Variants in SPEG observed in about 807,000 individuals in gnomAD.
SPEG encodes the protein striated muscle enriched protein kinase.
SPEG carries 114 observed loss-of-function variants against 300.4 expected under a neutral mutation model. The observed-to-expected ratio is 0.38, with a 90% CI of 0.33 to 0.44. SPEG has a LOEUF of 0.44. Ranked by LOEUF, SPEG falls within the 20% of genes least tolerant of loss-of-function variation. SPEG has a pLI of 1.00. For missense variants in SPEG, 4,201 were observed against 4,586.2 expected, an observed-to-expected ratio of 0.92 and a Z score of 2.43; for synonymous variants, 1,964 against 2,018.9, an observed-to-expected ratio of 0.97 and a Z score of 0.73.
chr2:219,436,936 G>C (rs188256849), intron 1 of SPEG, among the ~76,000 whole-genome samples: 3 of 152,300 alleles, frequency 2.0e-5, no homozygotes, highest in Non-Finnish European at 4.4e-5. Context: ...ATATGACTGG[G>C]GGAGAGATTA....
intron 6 of SPEG, chr2:219,461,411 G>C (rs543607225): frequency 6.6e-4 from 665 of 1,009,450 alleles, no homozygotes; most frequent in Non-Finnish European, 7.4e-4. Context: ...ACTTGTCTGC[G>C]GTGTGTGTTC....
Position 219,491,817 on chromosome 2 carries a change from C to T in SPEG, c.9409C>T (p.Pro3137Ser), listed in dbSNP as rs761674711. ...FMAPEMVKGE[P>S]IGSATDIWGA... ...AGCTCCGGAGATGGTGAAGGGAGAA[C>T]CCATCGGCTCTGCCACGGACATCTG... is the stretch of plus-strand genomic sequence containing the variant. Residue 3137 changes from proline (P) to serine (S), a missense_variant, in exon 39 of 41, where the codon CCC becomes TCC. By Grantham distance (74) the Pro-to-Ser change is moderately conservative. This residue lies in a region of SPEG where 318 missense variants were observed against 429.5 expected (regional missense o/e 0.74). Transcript: ENST00000312358. 2 of 1,612,986 alleles carry T rather than the reference C, an allele frequency of 1.2e-6. No individual in the cohort carries two copies. The highest frequency in any genetic ancestry group is 1.7e-6 in the Non-Finnish European group (2 of 1,179,750).
intron 6 of SPEG, among the ~76,000 whole-genome samples, chr2:219,457,350 A>G (rs1690271680): frequency 6.6e-6 from 1 of 152,212 alleles, no homozygotes; most frequent in African/African-American, 2.4e-5. Flanking sequence ...TGGGAGGCCA[A>G]GGCAGGTGGA....
rs984765891 is a variant in SPEG, at chr2:219,474,055, T to C, written c.4447+152T>C. ...CCATGTCATGGCTATACAAATACCA[T>C]ATTAGTAATAATGACAACAATCATA... On this transcript the variant is annotated intron_variant, in intron 18 of 40. Transcript: ENST00000312358. 6 of 712,084 alleles carry C rather than the reference T, an allele frequency of 8.4e-6. No individual in the cohort carries two copies. In the African/African-American group the frequency reaches 1.1e-4, roughly 13 times the overall value. The allele number at this position is 712,084 out of a possible 1,614,324, so 44.1% of individuals were successfully genotyped here.
Position 219,493,473 on chromosome 2 carries a change from C to G in SPEG, c.*687C>G, listed in dbSNP as rs1380296265. 8 of 443,138 alleles carry G rather than the reference C, an allele frequency of 1.8e-5. No homozygotes were observed. In the Admixed American group the frequency reaches 1.9e-4, roughly 11 times the overall value. The allele number at this position is 443,138 out of a possible 1,614,324, so 27.5% of individuals were successfully genotyped here. On this transcript the variant is annotated 3_prime_UTR_variant, in exon 41 of 41. Coordinates refer to ENST00000312358, the MANE Select transcript of SPEG (RefSeq NM_005876.5). Reference sequence around the variant, plus strand: ...GGATGTCCCCACTGCCCCTCCATGGCCTCTGGCCTTCTTCCCATTCATATT... The same window carrying G: ...GGATGTCCCCACTGCCCCTCCATGGGCTCTGGCCTTCTTCCCATTCATATT...
At chr2:219,461,094 G>A (rs1400459886) in intron 6 of SPEG, 4 of 906,308 alleles carry the variant, frequency 4.4e-6, no homozygotes, top group Non-Finnish European at 5.3e-6. Flanking sequence ...TTGGCAGTCG[G>A]ATAGGAGCCA....
intron 18 of SPEG, among the ~76,000 whole-genome samples, chr2:219,474,745 G>A (rs1173906589): frequency 2.6e-5 from 4 of 151,518 alleles, no homozygotes; most frequent in African/African-American, 7.3e-5. Flanking sequence ...GCCGCCCTTC[G>A]GCACAAGCCT....
In SPEG at chr2:219,480,833, G is replaced by C; in HGVS notation, c.5369+136G>C. On this transcript the variant is annotated intron_variant, in intron 26 of 40. Coordinates refer to ENST00000312358, the MANE Select transcript of SPEG (RefSeq NM_005876.5). This position sits in a 1 kb window ranked among gnomAD's most constrained non-coding sequence, Gnocchi z 5.3. Reference sequence around the variant, plus strand: ...TGCAAGGAGCCTCATGTGCATGAAGGTGGACACCCCTGTCTGCATGCCCAC... The same window carrying C: ...TGCAAGGAGCCTCATGTGCATGAAGCTGGACACCCCTGTCTGCATGCCCAC... 1 of 841,390 alleles carries C rather than the reference G, an allele frequency of 1.2e-6. No homozygotes were observed. Among genetic ancestry groups the C allele is most frequent in the Non-Finnish European group, 2.0e-6 (1 of 504,674 alleles). The allele number at this position is 841,390 out of a possible 1,614,324, so 52.1% of individuals were successfully genotyped here. A position where few individuals can be genotyped will look rare whatever the true frequency, so the allele number is the denominator to read the frequency against.
chr2:219,437,572 G>A (rs1954751537), intron 1 of SPEG, among the ~76,000 whole-genome samples: 2 of 152,310 alleles, frequency 1.3e-5, no homozygotes, highest in South Asian at 2.1e-4. Flanking sequence ...AAGAGGACTG[G>A]GCTGCAGCAA....
At chr2:219,491,356 C>T (rs915378941) in intron 38 of SPEG, among the ~76,000 whole-genome samples, 2 of 152,188 alleles carry the variant, frequency 1.3e-5, no homozygotes, top group Non-Finnish European at 2.9e-5. Context: ...CCACACTTTA[C>T]GGATGAGGCT....
intron 6 of SPEG, chr2:219,460,876 G>A: frequency 1.0e-6 from 1 of 986,176 alleles, no homozygotes; most frequent in Non-Finnish European, 1.2e-6. Flanking sequence ...TGGACAGGCT[G>A]GGCTCCTGCT....
chr2:219,444,593 A>T lies in SPEG; in HGVS notation c.389-60A>T, dbSNP rs1035963813. 2 of 1,429,068 alleles carry T rather than the reference A, an allele frequency of 1.4e-6. No individual in the cohort carries two copies. Among genetic ancestry groups the T allele is most frequent in the Non-Finnish European group, 2.0e-6 (2 of 1,015,470 alleles). 88.5% of individuals were successfully genotyped at this position (1,429,068 alleles called of 1,614,324 possible). Reference sequence around the variant, plus strand: ...TGTTGGCAGGGAGGCAGAAGGCAATAGGGAAGAGTTGGAGGCAGAGGGAGG... The same window carrying T: ...TGTTGGCAGGGAGGCAGAAGGCAATTGGGAAGAGTTGGAGGCAGAGGGAGG... On this transcript the variant is annotated intron_variant, in intron 1 of 40. Coordinates refer to ENST00000312358, the MANE Select transcript of SPEG (RefSeq NM_005876.5). This position sits in a 1 kb window ranked among gnomAD's most constrained non-coding sequence, Gnocchi z 7.8.
chr2:219,479,223 G>C lies in SPEG; in HGVS notation c.5085+22G>C. 1 of 1,606,768 alleles carries C rather than the reference G, an allele frequency of 6.2e-7. No homozygotes were observed. The highest frequency in any genetic ancestry group is 8.5e-7 in the Non-Finnish European group (1 of 1,174,498). On this transcript the variant is annotated intron_variant, in intron 23 of 40. Transcript: ENST00000312358. The surrounding 1 kb of genome is among the most constrained non-coding windows in gnomAD (Gnocchi z 5.5). ...TGAGGTGAGGGCAGTGGGTGGCAGG[G>C]GCCAGGTTGGGCACCAGCCTTCACC...
At chr2:219,476,071 C>G (rs1692315192) in intron 18 of SPEG, among the ~76,000 whole-genome samples, 1 of 152,054 alleles carries the variant, frequency 6.6e-6, no homozygotes, top group Non-Finnish European at 1.5e-5. Flanking sequence ...GTCACAGGCT[C>G]CTTTGCAAAG....
chr2:219,444,592 T>TA lies in SPEG; in HGVS notation c.389-60dup. On this transcript the variant is annotated intron_variant, in intron 1 of 40. Coordinates refer to ENST00000312358, the MANE Select transcript of SPEG (RefSeq NM_005876.5). The surrounding 1 kb of genome is among the most constrained non-coding windows in gnomAD (Gnocchi z 7.8). ...CTGTTGGCAGGGAGGCAGAAGGCAA[T>TA]AGGGAAGAGTTGGAGGCAGAGGGAG... is the stretch of plus-strand genomic sequence containing the variant. The TA allele has an allele frequency of 7.0e-7, 1 of 1,418,510 alleles. No individual in the cohort carries two copies. Among genetic ancestry groups the TA allele is most frequent in the South Asian group, 1.2e-5 (1 of 86,178 alleles). The allele number at this position is 1,418,510 out of a possible 1,614,324, so 87.9% of individuals were successfully genotyped here.
intron 1 of SPEG, among the ~76,000 whole-genome samples, chr2:219,442,617 C>T (rs1689007406): frequency 7.0e-6 from 1 of 143,270 alleles, no homozygotes; most frequent in Non-Finnish European, 1.5e-5. Context: ...CATCCCTCCC[C>T]CACCCCCTTG....
intron 36 of SPEG, 125 bp from the exon 37 acceptor site, chr2:219,490,284 G>A: frequency 4.4e-6 from 6 of 1,350,602 alleles, no homozygotes; most frequent in African/African-American, 1.4e-5. Context: ...TTGAACTCTG[G>A]AGCCCACACT....
In SPEG at chr2:219,484,831, G is replaced by A; in HGVS notation, c.7368G>A (p.Arg2456=). ...CCCCGGTGCTGGCGATGCGCAGGCGGCTGAGCTTCACCCTGGAGCGGCTGT... is the reference window on the plus strand; with the variant it reads ...CCCCGGTGCTGGCGATGCGCAGGCGACTGAGCTTCACCCTGGAGCGGCTGT... The part of the protein sequence containing the change: ...RGSPVLAMRR[R]LSFTLERLSS... The change falls in exon 30 of 41, where the codon CGG becomes CGA. Residue 2456 remains arginine (R), a synonymous_variant. Transcript: ENST00000312358. 1 of 1,509,834 alleles carries A rather than the reference G, an allele frequency of 6.6e-7. No homozygotes were observed. Among genetic ancestry groups the A allele is most frequent in the Non-Finnish European group, 8.8e-7 (1 of 1,137,220 alleles). 93.5% of individuals were successfully genotyped at this position (1,509,834 alleles called of 1,614,324 possible). A position where few individuals can be genotyped will look rare whatever the true frequency, so the allele number is the denominator to read the frequency against.
rs754700281 is a variant in SPEG, at chr2:219,448,259, C to T, written c.1101C>T (p.Gly367=). Residue 367 remains glycine, a synonymous_variant, in exon 4 of 41, where the codon GGC becomes GGT. Coordinates refer to ENST00000312358, the MANE Select transcript of SPEG (RefSeq NM_005876.5). The part of the protein sequence containing the change: ...KSKSSGPSLA[G]TAESRPQTPL... ...AGTCGTCCGGGCCCTCCCTGGCGGG[C>T]ACCGCGGAATCCCGACCCCAGACGC... The T allele has an allele frequency of 5.6e-6, 9 of 1,612,162 alleles. No homozygotes were observed. The Admixed American group carries it at 8.3e-5, about 15-fold the overall frequency.
Sources: gnomAD v4.1 joint callset for allele counts (sites outside exome capture counted in the v4.1 genomes callset) on GRCh38, gnomAD v4.1.1 for gene constraint, gnomAD v4.1.1 regional missense constraint, Gnocchi (gnomAD v3.1) non-coding constraint, MANE v1.5 for transcripts, NCBI Gene and HGNC (gene_info 2026-07-23, HGNC 2026-07-21) for gene names.